CDH22: variants seen among roughly 807,000 people sequenced by gnomAD.
CDH22 encodes the protein cadherin 22.
Under a neutral mutation model 58.4 loss-of-function variants are expected in CDH22, and 30 were observed. That is an observed-to-expected ratio of 0.51 (90% CI 0.38 to 0.70). The LOEUF is 0.70. CDH22 is among the 30% of genes least tolerant of loss of function. CDH22 has a pLI of 0.00. For synonymous variants in CDH22, 513 were observed against 558.2 expected (o/e 0.92, Z 1.14); for missense variants, 1,014 against 1,233.9 (o/e 0.82, Z 2.67).
intron 3 of CDH22, among the ~76,000 whole-genome samples, chr20:46,231,346 T>C (rs1399472994): frequency 1.3e-5 from 2 of 152,160 alleles, no homozygotes; most frequent in Non-Finnish European, 2.9e-5. Flanking sequence ...TTAGAATCTC[T>C]TGGGAGCTTT....
intron 3 of CDH22, among the ~76,000 whole-genome samples, chr20:46,240,636 G>A (rs1024366393): frequency 1.3e-5 from 2 of 152,134 alleles, no homozygotes; most frequent in Non-Finnish European, 1.5e-5. Flanking sequence ...GCTTGTGCAT[G>A]TGGCATGTCC....
At chr20:46,177,591 C>A (rs894451248) in intron 11 of CDH22, among the ~76,000 whole-genome samples, 1 of 152,184 alleles carries the variant, frequency 6.6e-6, no homozygotes, top group Non-Finnish European at 1.5e-5. Flanking sequence ...GGATGATATG[C>A]CTGGCCATGT....
intron 1 of CDH22, among the ~76,000 whole-genome samples, chr20:46,286,795 T>C (rs904963341): frequency 3.3e-5 from 5 of 152,160 alleles, no homozygotes; most frequent in Non-Finnish European, 7.3e-5. Flanking sequence ...CATCCTTATC[T>C]GAGCTCTGCC....
intron 1 of CDH22, among the ~76,000 whole-genome samples, chr20:46,279,515 A>G (rs2086538319): frequency 6.6e-6 from 1 of 152,262 alleles, no homozygotes; most frequent in African/African-American, 2.4e-5. Flanking sequence ...TTGGAGAGAA[A>G]AAAGCAAATT....
intron 1 of CDH22, among the ~76,000 whole-genome samples, chr20:46,298,783 G>A (rs2145783599): frequency 6.6e-6 from 1 of 152,108 alleles, no homozygotes; most frequent in East Asian, 1.9e-4. Flanking sequence ...CCCTAATTTG[G>A]TTAATGGACC....
chr20:46,290,186 G>A (rs1445781481), intron 1 of CDH22, among the ~76,000 whole-genome samples: 3 of 152,200 alleles, frequency 2.0e-5, no homozygotes, highest in Admixed American at 1.3e-4. Context: ...TCAACTTGAG[G>A]ATATTTATTA....
At chr20:46,192,526 A>G (rs2085867991) in intron 8 of CDH22, among the ~76,000 whole-genome samples, 4 of 151,478 alleles carry the variant, frequency 2.6e-5, no homozygotes, top group Admixed American at 2.6e-4. Context: ...CCTGGAGAGA[A>G]AGAGAGAAGT....
intron 1 of CDH22, among the ~76,000 whole-genome samples, chr20:46,275,493 C>T (rs920958526): frequency 3.9e-5 from 6 of 152,152 alleles, no homozygotes; most frequent in African/African-American, 9.7e-5. Context: ...ACATATTATG[C>T]GATTTACTTA....
chr20:46,178,242 C>G, intron 10 of CDH22, 45 bp from the exon 11 acceptor site: 1 of 1,587,330 alleles, frequency 6.3e-7, no homozygotes. Context: ...GGCCGGGGGT[C>G]AGCATCCTTG....
intron 1 of CDH22, among the ~76,000 whole-genome samples, chr20:46,267,238 C>T (rs942864237): frequency 3.0e-4 from 46 of 152,020 alleles, no homozygotes; most frequent in Non-Finnish European, 5.0e-4. Flanking sequence ...CTGATGTTGG[C>T]CTGAGAGCCT....
At chr20:46,245,348 C>T (rs1294461651) in intron 2 of CDH22, among the ~76,000 whole-genome samples, 1 of 152,178 alleles carries the variant, frequency 6.6e-6, no homozygotes, top group Non-Finnish European at 1.5e-5. Context: ...GTTCCTGCCC[C>T]GTACACATGC....
chr20:46,177,558 C>T (rs368553170), intron 11 of CDH22, among the ~76,000 whole-genome samples: 23 of 152,222 alleles, frequency 1.5e-4, no homozygotes, highest in African/African-American at 5.5e-4. Flanking sequence ...TCTCTGACCC[C>T]CAGCGCTTTC....
intron 1 of CDH22, among the ~76,000 whole-genome samples, chr20:46,281,126 G>A (rs1016280023): frequency 2.0e-5 from 3 of 152,210 alleles, no homozygotes; most frequent in Non-Finnish European, 2.9e-5. Flanking sequence ...AGGGCAGTAG[G>A]GGGCCATTGA....
chr20:46,231,027 G>C (rs1568666991), intron 3 of CDH22, among the ~76,000 whole-genome samples: 2 of 152,140 alleles, frequency 1.3e-5, no homozygotes, highest in Admixed American at 6.5e-5. Context: ...AGGAGCAGGG[G>C]GGCAGAGGAG....
intron 1 of CDH22, among the ~76,000 whole-genome samples, chr20:46,266,856 G>A (rs191076294): frequency 7.2e-5 from 11 of 152,096 alleles, no homozygotes; most frequent in African/African-American, 2.4e-4. Flanking sequence ...CAGGCCTCTG[G>A]AGCCCCAGAT....
At chr20:46,175,225 A>T in intron 11 of CDH22, 148 bp from the exon 12 acceptor site, 1 of 783,476 alleles carries the variant, frequency 1.3e-6, no homozygotes, top group Non-Finnish European at 1.9e-6. Context: ...CTGTTCAAAA[A>T]GCCATTCTTG....
chr20:46,283,086 C>T (rs1294274125), intron 1 of CDH22, among the ~76,000 whole-genome samples: 4 of 152,358 alleles, frequency 2.6e-5, no homozygotes, highest in African/African-American at 7.2e-5. Context: ...TTTTTGTTTA[C>T]AGCATGCAGT....
chr20:46,259,569 C>G (rs2086422172), intron 1 of CDH22, among the ~76,000 whole-genome samples: 1 of 152,230 alleles, frequency 6.6e-6, no homozygotes, highest in African/African-American at 2.4e-5. Flanking sequence ...AAAAATAAAA[C>G]CTGGAAAATG....
chr20:46,186,468 C>T, intron 10 of CDH22, 120 bp downstream of exon 10: 1 of 742,450 alleles, frequency 1.3e-6, no homozygotes, highest in Non-Finnish European at 2.3e-6. Flanking sequence ...CCAGACTTTC[C>T]ATGTGATCTT....
Sources: allele counts gnomAD v4.1 joint callset (sites outside exome capture counted in the v4.1 genomes callset), GRCh38; gene constraint gnomAD v4.1.1; transcripts MANE v1.5; gene names NCBI Gene and HGNC (gene_info 2026-07-23, HGNC 2026-07-21).